The following SYNPO variants were observed in gnomAD, a reference collection of about 807,000 sequenced individuals.
SYNPO encodes the protein synaptopodin.
SYNPO carries 19 observed loss-of-function variants against 49.5 expected under a neutral mutation model. The ratio of observed to expected loss-of-function variants is 0.38; its 90% CI spans 0.27 to 0.56. SYNPO has a LOEUF of 0.56. Ranked by LOEUF, SYNPO falls within the 20% of genes least tolerant of loss-of-function variation. SYNPO has a pLI of 0.68. For synonymous variants in SYNPO, 536 were observed against 548.0 expected (o/e 0.98, Z 0.31); for missense variants, 1,131 against 1,248.3 (o/e 0.91, Z 1.42).
chr5:150,609,630 C>T (rs1284133117), intron 1 of SYNPO, among the ~76,000 whole-genome samples: 1 of 152,234 alleles, frequency 6.6e-6, no homozygotes, highest in Non-Finnish European at 1.5e-5. Context: ...TCCTTGAACC[C>T]TTTCTGCAAT....
chr5:150,596,608 C>T (rs1756429135), upstream of SYNPO, among the ~76,000 whole-genome samples: 1 of 152,058 alleles, frequency 6.6e-6, no homozygotes, highest in Admixed American at 6.5e-5. Flanking sequence ...CAGGACGGCT[C>T]ATGTGTCAGA....
At chr5:150,593,545 T>C in the SYNPO span, among the ~76,000 whole-genome samples, 2 of 152,158 alleles carry the variant, frequency 1.3e-5, no homozygotes, top group African/African-American at 4.8e-5. Context: ...CACTGCAACC[T>C]CTGCCTCCCA....
At chr5:150,600,366 C>G (rs1015159684), upstream of SYNPO, among the ~76,000 whole-genome samples, 4 of 152,252 alleles carry the variant, frequency 2.6e-5, no homozygotes, top group African/African-American at 9.6e-5. Context: ...CCAGCCCACA[C>G]AACAGCCCTC....
intron 2 of SYNPO, among the ~76,000 whole-genome samples, chr5:150,621,827 T>C (rs1757183645): frequency 6.6e-6 from 1 of 152,098 alleles, no homozygotes; most frequent in African/African-American, 2.4e-5. Flanking sequence ...AGAGATGCCA[T>C]CAGCTGCTGC....
At chr5:150,634,062 A>G (rs1757628307) in intron 2 of SYNPO, among the ~76,000 whole-genome samples, 1 of 152,184 alleles carries the variant, frequency 6.6e-6, no homozygotes, top group Admixed American at 6.5e-5. Context: ...TATTCCAGAC[A>G]TTTTCTTGTG....
intron 2 of SYNPO, among the ~76,000 whole-genome samples, chr5:150,630,255 C>T (rs1417797722): frequency 1.3e-5 from 2 of 152,152 alleles, no homozygotes; most frequent in East Asian, 3.9e-4. Context: ...TTGTAATAAA[C>T]TCCCACGCAG....
At chr5:150,618,857 A>C in intron 2 of SYNPO, 1 of 1,474,914 alleles carries the variant, frequency 6.8e-7, no homozygotes, top group Non-Finnish European at 9.2e-7. Context: ...ATATTTTTCC[A>C]TGATCCACAG....
At chr5:150,629,248 A>G (rs1397133731) in intron 2 of SYNPO, among the ~76,000 whole-genome samples, 2 of 152,136 alleles carry the variant, frequency 1.3e-5, no homozygotes, top group African/African-American at 2.4e-5. Flanking sequence ...CCTGGGCTCA[A>G]GTGATCCATC....
chr5:150,629,384 C>G (rs1007543663), intron 2 of SYNPO, among the ~76,000 whole-genome samples: 2 of 152,158 alleles, frequency 1.3e-5, no homozygotes, highest in Non-Finnish European at 2.9e-5. Context: ...CTCGAACCTC[C>G]GCTCTTAGCT....
At chr5:150,600,288 A>T (rs544396008), upstream of SYNPO, among the ~76,000 whole-genome samples, 9 of 152,278 alleles carry the variant, frequency 5.9e-5, no homozygotes, top group Admixed American at 5.2e-4. Context: ...TCACCCCTGG[A>T]TGGGTGCCCA....
At chr5:150,621,115 G>A (rs1757158851) in intron 2 of SYNPO, among the ~76,000 whole-genome samples, 1 of 151,846 alleles carries the variant, frequency 6.6e-6, no homozygotes, top group South Asian at 2.1e-4. Flanking sequence ...ACCATGCCCA[G>A]CTAATTTTTG....
chr5:150,594,619 C>A, the SYNPO span, among the ~76,000 whole-genome samples: 1 of 152,222 alleles, frequency 6.6e-6, no homozygotes, highest in Non-Finnish European at 1.5e-5. Context: ...CAGATGGTCA[C>A]TAAAAGCTCT....
At chr5:150,655,148 T>A (rs1758512876) in intron 2 of SYNPO, among the ~76,000 whole-genome samples, 1 of 152,188 alleles carries the variant, frequency 6.6e-6, no homozygotes, top group South Asian at 2.1e-4. Context: ...TGGTCAATAT[T>A]TTTACATTTT....
chr5:150,617,143 C>T (rs563472520), intron 1 of SYNPO, among the ~76,000 whole-genome samples: 11 of 152,200 alleles, frequency 7.2e-5, no homozygotes, highest in East Asian at 3.9e-4. Context: ...CAATGCAATG[C>T]GAAGTTAGAA....
chr5:150,634,840 ACACACACACACACACACACACAC>A (rs1282965943), intron 2 of SYNPO, among the ~76,000 whole-genome samples: 6 of 109,814 alleles, frequency 5.5e-5, no homozygotes, highest in African/African-American at 1.9e-4. Context: ...ACACACACAC[ACACACACACACACACACACACAC>A]CACACACACA....
At position 150,648,770 on chromosome 5, in the gene SYNPO, C is replaced by T. The variant is rs200750122; in HGVS notation, c.495C>T (p.Thr165=). 1.9e-5 allele frequency: 30 copies of T among 1,614,236 alleles called. No homozygotes were observed. The highest frequency in any genetic ancestry group is 2.5e-5 in the Non-Finnish European group (29 of 1,180,040). ...LLIDKVSTPA[T]TTSTFSREAT... ...TTGACAAGGTATCAACTCCAGCTAC[C>T]ACCACCAGCACCTTCTCCAGAGAAG... is the stretch of plus-strand genomic sequence containing the variant. The change falls in exon 2 of 3, where the codon ACC becomes ACT. Residue 165 remains threonine, a synonymous_variant. Transcript: ENST00000307662. The surrounding 1 kb of genome is among the most constrained non-coding windows in gnomAD (Gnocchi z 5.0).
upstream of SYNPO, among the ~76,000 whole-genome samples, chr5:150,596,139 G>C (rs1756420891): frequency 6.6e-6 from 1 of 152,136 alleles, no homozygotes; most frequent in Non-Finnish European, 1.5e-5. Flanking sequence ...GAGGTGATGA[G>C]AGCCTCCCCC....
chr5:150,596,174 C>T (rs1007636022), upstream of SYNPO, among the ~76,000 whole-genome samples: 1 of 152,162 alleles, frequency 6.6e-6, no homozygotes, highest in Admixed American at 6.5e-5. Context: ...TGCTTCCTGA[C>T]CCCTACTCCT....
chr5:150,612,428 C>T (rs749582303), intron 1 of SYNPO, among the ~76,000 whole-genome samples: 1 of 152,242 alleles, frequency 6.6e-6, no homozygotes, highest in Non-Finnish European at 1.5e-5. Flanking sequence ...TCCCTCCCAT[C>T]CTTCCATTTC....
Sources: gnomAD v4.1 joint callset for allele counts (sites outside exome capture counted in the v4.1 genomes callset) on GRCh38, gnomAD v4.1.1 for gene constraint, Gnocchi (gnomAD v3.1) non-coding constraint, MANE v1.5 for transcripts, NCBI Gene and HGNC (gene_info 2026-07-23, HGNC 2026-07-21) for gene names.